NMNAT2: variants seen among roughly 807,000 people sequenced by gnomAD.
NMNAT2 encodes nicotinamide/nicotinic acid mononucleotide adenylyltransferase 2.
A neutral mutation model predicts 41.6 loss-of-function variants in NMNAT2; 11 were observed. The ratio of observed to expected loss-of-function variants is 0.26; its 90% CI spans 0.17 to 0.44. The LOEUF (loss-of-function observed/expected upper bound fraction) is 0.44. Ranked by LOEUF, NMNAT2 falls within the 20% of genes least tolerant of loss-of-function variation. The probability of loss-of-function intolerance (pLI) is 1.00; values close to 1 mark genes in which losing one functional copy is unlikely to be tolerated. For synonymous variants in NMNAT2, 148 were observed against 151.2 expected (o/e 0.98, Z 0.16); for missense variants, 288 against 407.7 (o/e 0.71, Z 2.53).
intron 1 of NMNAT2, among the ~76,000 whole-genome samples, chr1:183,339,987 G>A (rs1188973531): frequency 2.0e-5 from 3 of 152,210 alleles, no homozygotes; most frequent in Non-Finnish European, 4.4e-5. Context: ...GTCGGTTGCC[G>A]TAGGCCCTTG....
At position 183,293,735 on chromosome 1, in the gene NMNAT2, G is replaced by C. The variant is rs781701000; in HGVS notation, c.144C>G (p.Val48=). Residue 48 remains valine, a synonymous_variant, in exon 2 of 11, where the codon GTC becomes GTG. Coordinates refer to ENST00000287713, the MANE Select transcript of NMNAT2 (RefSeq NM_015039.4). ...TTCCATAGGAGTCGTGGACAGGGGA[G>C]ACAATCCCGCCAATCACAATAAACC... ...TGRFIVIGGI[V]SPVHDSYGKQ... The C allele has an allele frequency of 5.0e-6, 8 of 1,613,920 alleles. No individual in the cohort carries two copies. Among genetic ancestry groups the C allele is most frequent in the African/African-American group, 2.7e-5 (2 of 74,904 alleles).
chr1:183,359,742 G>C lies in NMNAT2; in HGVS notation c.85+58441C>G, dbSNP rs958344802. ...TCAGCAGTGGGAGAGGGAAAATGGA[G>C]ACACGTGTGGCTCAGAGTCCAGTGG... On this transcript the variant is annotated intron_variant, in intron 1 of 10. Transcript: ENST00000287713. Among the ~76,000 whole-genome samples the C allele has an allele frequency of 6.6e-5, 10 of 152,172 alleles. No homozygotes were observed. The South Asian group carries it at 1.9e-3, about 28-fold the overall frequency.
At chr1:183,367,450 C>T (rs886675254) in intron 1 of NMNAT2, among the ~76,000 whole-genome samples, 2 of 152,282 alleles carry the variant, frequency 1.3e-5, no homozygotes, top group African/African-American at 2.4e-5. Flanking sequence ...AAGCGCAAAA[C>T]TCTGTCTCAA....
chr1:183,372,792 T>C (rs952073224), intron 1 of NMNAT2, among the ~76,000 whole-genome samples: 1 of 152,242 alleles, frequency 6.6e-6, no homozygotes, highest in Non-Finnish European at 1.5e-5. Context: ...CATGTTGTTA[T>C]AGAGATGAGA....
chr1:183,407,179 A>C (rs973133828), intron 1 of NMNAT2, among the ~76,000 whole-genome samples: 5 of 152,064 alleles, frequency 3.3e-5, no homozygotes, highest in African/African-American at 1.2e-4. Context: ...TGTCCCATGC[A>C]CCCGCCTGAA....
chr1:183,345,704 T>G (rs78246642), intron 1 of NMNAT2, among the ~76,000 whole-genome samples: 1 of 119,602 alleles, frequency 8.4e-6, no homozygotes, highest in Admixed American at 8.3e-5. Flanking sequence ...TTTTTTTTTT[T>G]GAGACGGAGT....
chr1:183,274,222 T>C (rs758212646), intron 8 of NMNAT2, among the ~76,000 whole-genome samples: 31 of 152,084 alleles, frequency 2.0e-4, no homozygotes, highest in Non-Finnish European at 4.3e-4. Flanking sequence ...TGGCCAGCTC[T>C]ATTTCTAGCA....
At chr1:183,344,210 G>A (rs12239115) in intron 1 of NMNAT2, among the ~76,000 whole-genome samples, 2,122 of 152,226 alleles carry the variant, frequency 0.014, 44 homozygotes, top group African/African-American at 0.048. Flanking sequence ...GCACTGTGCT[G>A]AATGCGATTA....
intron 1 of NMNAT2, among the ~76,000 whole-genome samples, chr1:183,312,449 A>G (rs1662145003): frequency 1.3e-5 from 2 of 152,022 alleles, no homozygotes; most frequent in African/African-American, 2.4e-5. Flanking sequence ...ACCCTCATAT[A>G]CCAATCTCCC....
intron 1 of NMNAT2, among the ~76,000 whole-genome samples, chr1:183,382,837 C>A (rs1447779653): frequency 6.6e-6 from 1 of 152,204 alleles, no homozygotes; most frequent in Non-Finnish European, 1.5e-5. Flanking sequence ...CAGCTGCTTT[C>A]ATAGGCTGGT....
At chr1:183,353,381 C>A (rs773315683) in intron 1 of NMNAT2, among the ~76,000 whole-genome samples, 4 of 152,192 alleles carry the variant, frequency 2.6e-5, no homozygotes, top group Non-Finnish European at 4.4e-5. Context: ...TCAGTAGGAT[C>A]TTTTCCATTC....
chr1:183,288,179 T>C (rs1661442975), intron 4 of NMNAT2, among the ~76,000 whole-genome samples: 1 of 152,206 alleles, frequency 6.6e-6, no homozygotes, highest in Non-Finnish European at 1.5e-5. Context: ...GCATTTGACT[T>C]GTTCTATCTC....
intron 2 of NMNAT2, among the ~76,000 whole-genome samples, chr1:183,293,116 C>T (rs1273675936): frequency 6.6e-6 from 1 of 152,192 alleles, no homozygotes; most frequent in Non-Finnish European, 1.5e-5. Flanking sequence ...CGAAGCAGCC[C>T]CTGTGTGCCC....
intron 1 of NMNAT2, among the ~76,000 whole-genome samples, chr1:183,410,303 G>T (rs1649081975): frequency 6.6e-6 from 1 of 151,538 alleles, no homozygotes. Context: ...AGCCTGGGCG[G>T]CAGAGTGAGA....
intron 1 of NMNAT2, among the ~76,000 whole-genome samples, chr1:183,407,377 T>C (rs1310714277): frequency 2.6e-5 from 4 of 152,152 alleles, no homozygotes; most frequent in African/African-American, 9.7e-5. Flanking sequence ...TTGCTGTCTG[T>C]CCTGTTTTTT....
chr1:183,302,110 TA>T (rs1489092776), intron 1 of NMNAT2, among the ~76,000 whole-genome samples: 3 of 152,318 alleles, frequency 2.0e-5, no homozygotes, highest in African/African-American at 7.2e-5. Flanking sequence ...AAAAAAACTT[TA>T]AGGAATCATC....
At chr1:183,323,557 G>A (rs547603709) in intron 1 of NMNAT2, among the ~76,000 whole-genome samples, 90 of 152,284 alleles carry the variant, frequency 5.9e-4, no homozygotes, top group African/African-American at 2.1e-3. Flanking sequence ...ACCATTGCAT[G>A]GGATCAAAAC....
At position 183,261,704 on chromosome 1, in the gene NMNAT2, T is replaced by C. The variant is rs371556951; in HGVS notation, c.652-401A>G. Among the ~76,000 whole-genome samples, 7 of 152,274 alleles carry C rather than the reference T, an allele frequency of 4.6e-5. No homozygotes were observed. The East Asian group carries it at 1.2e-3, about 25-fold the overall frequency. ...AGATCCCTCTGTTCAGCAAGCACATTTGAGCCCTCAGATGGACGTCATGAG... is the reference window on the plus strand; with the variant it reads ...AGATCCCTCTGTTCAGCAAGCACATCTGAGCCCTCAGATGGACGTCATGAG... On this transcript the variant is annotated intron_variant, in intron 8 of 10. Coordinates refer to ENST00000287713, the MANE Select transcript of NMNAT2 (RefSeq NM_015039.4).
At chr1:183,375,018 T>A (rs932334834) in intron 1 of NMNAT2, among the ~76,000 whole-genome samples, 2 of 152,188 alleles carry the variant, frequency 1.3e-5, no homozygotes, top group Non-Finnish European at 2.9e-5. Flanking sequence ...GAGGGAAGCA[T>A]TCCAGCCTAG....
Sources: allele counts gnomAD v4.1 joint callset (sites outside exome capture counted in the v4.1 genomes callset), GRCh38; gene constraint gnomAD v4.1.1; transcripts MANE v1.5; gene names NCBI Gene and HGNC (gene_info 2026-07-23, HGNC 2026-07-21).